RAPH1: variants seen among roughly 807,000 people sequenced by gnomAD.
RAPH1 encodes the protein ras-associated and pleckstrin homology domains-containing protein 1.
Under a neutral mutation model 88.1 loss-of-function variants are expected in RAPH1, and 18 were observed. The observed-to-expected ratio is 0.20, with a 90% CI of 0.14 to 0.30. The LOEUF (loss-of-function observed/expected upper bound fraction) is 0.30, where lower values mean the gene tolerates loss of function less well. Among genes scored for constraint, RAPH1 ranks in the 10% least tolerant of loss-of-function variants. RAPH1 has a pLI of 1.00. For synonymous variants in RAPH1, 587 were observed against 559.0 expected, an observed-to-expected ratio of 1.05 and a Z score of -0.71; for missense variants, 1,448 against 1,543.2, an observed-to-expected ratio of 0.94 and a Z score of 1.03.
intron 1 of RAPH1, among the ~76,000 whole-genome samples, chr2:203,503,859 G>A (rs1355221842): frequency 2.6e-5 from 4 of 152,122 alleles, no homozygotes; most frequent in South Asian, 2.1e-4. Flanking sequence ...AAAACAAAGG[G>A]GTTACAGGGC....
At chr2:203,468,140 G>A (rs1344210353) in intron 4 of RAPH1, among the ~76,000 whole-genome samples, 4 of 151,972 alleles carry the variant, frequency 2.6e-5, no homozygotes, top group African/African-American at 9.7e-5. Flanking sequence ...GTATCTCCAG[G>A]GTCATAAACA....
rs150696559 is a variant in RAPH1 at position 203,510,670 on chromosome 2, G to GC, written c.1-15318_1-15317insG. Among the ~76,000 whole-genome samples the GC allele has an allele frequency of 6.4e-3, 969 of 152,064 alleles. 13 individuals are homozygous for GC. Among genetic ancestry groups the GC allele is most frequent in the African/African-American group, 0.023 (941 of 41,372 alleles). ...TAGATATAAACCAATAGGGAGTGGT[G>GC]AGGTCTGGGAACTGTGACAGCACAC... On this transcript the variant is annotated intron_variant, in intron 1 of 13. Transcript: ENST00000319170.
rs1455950444 is a variant in RAPH1 at position 203,489,813 on chromosome 2, T to A, written c.503A>T (p.Asp168Val). 6.2e-7 allele frequency: 1 copy of A among 1,614,230 alleles called. No homozygotes were observed. The highest frequency in any genetic ancestry group is 8.5e-7 in the Non-Finnish European group (1 of 1,180,028). Residue 168 changes from aspartate (D) to valine (V), a missense_variant, in exon 4 of 14, where the codon GAT becomes GTT. Physicochemically the swap from Asp to Val is radical, Grantham distance 152. This residue lies in a region of RAPH1 where 513 missense variants were observed against 653.1 expected (regional missense o/e 0.79). Coordinates refer to ENST00000319170, the MANE Select transcript of RAPH1 (RefSeq NM_213589.3). ...AQLEQASLSM[D>V]EAAQQSVLED... ...TAGTACAGATTGCTGAGCAGCCTCATCCATACTCAAAGAGGCCTGTTCTAA... is the reference window on the plus strand; with the variant it reads ...TAGTACAGATTGCTGAGCAGCCTCAACCATACTCAAAGAGGCCTGTTCTAA...
intron 1 of RAPH1, among the ~76,000 whole-genome samples, chr2:203,523,121 C>T (rs759397826): frequency 1.3e-5 from 2 of 151,884 alleles, no homozygotes; most frequent in African/African-American, 4.8e-5. Flanking sequence ...AGGTCAGGGG[C>T]GGTGGCTCAC....
At chr2:203,524,703 C>T (rs565865558) in intron 1 of RAPH1, among the ~76,000 whole-genome samples, 23 of 151,984 alleles carry the variant, frequency 1.5e-4, no homozygotes, top group South Asian at 6.3e-4. Context: ...GACAGATTGC[C>T]GTAAGACAGG....
intron 10 of RAPH1, among the ~76,000 whole-genome samples, chr2:203,453,125 CTG>C (rs2098516227): frequency 6.6e-6 from 1 of 152,158 alleles, no homozygotes; most frequent in South Asian, 2.1e-4. Context: ...TCTCAGGAGA[CTG>C]TGGACCTCAT....
intron 4 of RAPH1, chr2:203,477,130 G>A: frequency 6.2e-7 from 1 of 1,613,914 alleles, no homozygotes; most frequent in Non-Finnish European, 8.5e-7. Context: ...TGGCCTGCTT[G>A]CTGGAACATC....
At chr2:203,508,457 C>T (rs923349563) in intron 1 of RAPH1, among the ~76,000 whole-genome samples, 1 of 152,086 alleles carries the variant, frequency 6.6e-6, no homozygotes, top group Admixed American at 6.6e-5. Flanking sequence ...ATTCTTCTTA[C>T]AACTTTTCTG....
At chr2:203,513,211 G>A (rs1292043691) in intron 1 of RAPH1, among the ~76,000 whole-genome samples, 1 of 145,566 alleles carries the variant, frequency 6.9e-6, no homozygotes, top group Non-Finnish European at 1.5e-5. Flanking sequence ...CAGAAAAATG[G>A]GGGGGGGAAT....
rs1202551123 is a variant in RAPH1 at position 203,434,530 on chromosome 2, A to G, written c.*4907T>C. On this transcript the variant is annotated 3_prime_UTR_variant, in exon 14 of 14. Transcript: ENST00000319170. Reference sequence around the variant, plus strand: ...AAAATTGTTTGAAACATTCCAGTTAATGCTTATTTTCTAGAAGGGGTTATT... The same window carrying G: ...AAAATTGTTTGAAACATTCCAGTTAGTGCTTATTTTCTAGAAGGGGTTATT... 1.3e-5 allele frequency: 2 copies of G among 151,716 alleles called. No individual in the cohort carries two copies. Among genetic ancestry groups the G allele is most frequent in the African/African-American group, 4.9e-5 (2 of 40,988 alleles). The allele number at this position is 151,716 out of a possible 1,614,324, so 9.4% of individuals were successfully genotyped here. A position where few individuals can be genotyped will look rare whatever the true frequency, so the allele number is the denominator to read the frequency against.
At chr2:203,493,673 T>G (rs957802087) in intron 2 of RAPH1, among the ~76,000 whole-genome samples, 2 of 151,558 alleles carry the variant, frequency 1.3e-5, no homozygotes, top group African/African-American at 4.8e-5. Flanking sequence ...CTAGTAGGAG[T>G]TGAAAACATT....
In RAPH1 at chr2:203,520,331, C is replaced by CAAA. The variant is rs33931481; in HGVS notation, c.-1+14777_-1+14779dup. ...TGGGTGACAAAGGGAGCCCCTGCCT[C>CAAA]AAAAAAAAAAACCACGCCAGGCATG... On this transcript the variant is annotated intron_variant, in intron 1 of 13. Transcript: ENST00000319170. Among the ~76,000 whole-genome samples the CAAA allele has an allele frequency of 1.8e-4, 26 of 144,190 alleles. No homozygotes were observed. The South Asian group carries it at 2.7e-3, about 15-fold the overall frequency. The allele number at this position is 144,190 out of a possible 152,430, so 94.6% of individuals were successfully genotyped here.
chr2:203,523,183 G>A (rs977181688), intron 1 of RAPH1, among the ~76,000 whole-genome samples: 1 of 152,022 alleles, frequency 6.6e-6, no homozygotes, highest in African/African-American at 2.4e-5. Flanking sequence ...CATGGGGTCA[G>A]GAGATCAAGA....
intron 1 of RAPH1, among the ~76,000 whole-genome samples, chr2:203,496,101 T>C (rs1057447576): frequency 2.0e-5 from 3 of 152,264 alleles, no homozygotes; most frequent in East Asian, 1.9e-4. Context: ...CTCACGCCTG[T>C]AATTCCAGCA....
At chr2:203,481,060 TTTACC>T (rs1226915251) in intron 4 of RAPH1, among the ~76,000 whole-genome samples, 2 of 152,208 alleles carry the variant, frequency 1.3e-5, no homozygotes, top group African/African-American at 4.8e-5. Context: ...AGAGCTAGAG[TTTACC>T]TTAATTTTCC....
chr2:203,490,205 T>C, intron 3 of RAPH1, 116 bp from the exon 4 acceptor site: 1 of 1,050,114 alleles, frequency 9.5e-7, no homozygotes, highest in South Asian at 1.9e-5. Context: ...GCAAATAAAA[T>C]TAAGTATTTC....
intron 1 of RAPH1, among the ~76,000 whole-genome samples, 176 bp from the exon 2 acceptor site, chr2:203,495,529 TAG>T (rs1448237416): frequency 6.6e-6 from 1 of 152,108 alleles, no homozygotes; most frequent in Non-Finnish European, 1.5e-5. Context: ...CACAAGTGAG[TAG>T]AAACAAAGAA....
chr2:203,469,356 G>C (rs2098531186), intron 4 of RAPH1, among the ~76,000 whole-genome samples: 1 of 152,164 alleles, frequency 6.6e-6, no homozygotes, highest in South Asian at 2.1e-4. Context: ...GGTAGAGAAA[G>C]GGTCCCACTG....
Position 203,461,922 on chromosome 2 carries a change from C to T in RAPH1, c.736G>A (p.Glu246Lys). Residue 246 changes from glutamate to lysine, a missense_variant, in exon 5 of 14, where the codon GAA becomes AAA. Glu to Lys is a moderately conservative substitution (Grantham distance 56). Around this residue, in one of 2 missense-constraint regions of RAPH1, gnomAD observed 513 missense variants for 653.1 expected, o/e 0.79. Transcript: ENST00000319170. ...TCAGCTTTCAATTTTGCTGCCTGTT[C>T]TTCCTGTGAACACAAAGCATTTCAG... ...THQGQPITEE[E>K]QAAKLKAEKI... is the part of the protein sequence containing the mutation. 1.9e-6 allele frequency: 3 copies of T among 1,606,426 alleles called. No individual in the cohort carries two copies. The highest frequency in any genetic ancestry group is 2.6e-6 in the Non-Finnish European group (3 of 1,176,304).
Sources: gnomAD v4.1 joint callset for allele counts (sites outside exome capture counted in the v4.1 genomes callset) on GRCh38, gnomAD v4.1.1 for gene constraint, gnomAD v4.1.1 regional missense constraint, MANE v1.5 for transcripts, NCBI Gene and HGNC (gene_info 2026-07-23, HGNC 2026-07-21) for gene names.